STAG1: variants seen among roughly 807,000 people sequenced by gnomAD.
STAG1 encodes the protein STAG1 cohesin complex component.
A neutral mutation model predicts 170.9 loss-of-function variants in STAG1; 26 were observed. That is an observed-to-expected ratio of 0.15 (90% CI 0.11 to 0.21). The LOEUF (loss-of-function observed/expected upper bound fraction) is 0.21. STAG1 is among the 10% of genes least tolerant of loss of function. STAG1 has a pLI of 1.00. For synonymous variants in STAG1, 514 were observed against 497.7 expected, an observed-to-expected ratio of 1.03 and a Z score of -0.44; for missense variants, 964 against 1,509.5, an observed-to-expected ratio of 0.64 and a Z score of 5.99.
rs781780190 is a variant in STAG1, at chr3:136,421,076, TAAATA to T, written c.2108+12_2108+16del. The stretch of plus-strand genomic sequence containing the variant: ...ATGAGCCACCTCGTTGCCTTTACTT[TAAATA>T]AAATAACGTACTTGTGAAAAGAAGT... On this transcript the variant is annotated intron_variant, in intron 20 of 33. Coordinates refer to ENST00000383202, the MANE Select transcript of STAG1 (RefSeq NM_005862.3). 4 of 1,560,698 alleles carry T rather than the reference TAAATA, an allele frequency of 2.6e-6. No individual in the cohort carries two copies. Among genetic ancestry groups the T allele is most frequent in the Non-Finnish European group, 3.5e-6 (4 of 1,140,258 alleles).
At chr3:136,475,951 G>C (rs1020124318) in intron 10 of STAG1, among the ~76,000 whole-genome samples, 2 of 152,136 alleles carry the variant, frequency 1.3e-5, no homozygotes, top group Non-Finnish European at 2.9e-5. Flanking sequence ...TTGTAAGTGT[G>C]ACAGAATTTA....
intron 9 of STAG1, among the ~76,000 whole-genome samples, chr3:136,478,228 G>A (rs1023720873): frequency 1.3e-5 from 2 of 152,110 alleles, no homozygotes; most frequent in Non-Finnish European, 2.9e-5. Flanking sequence ...AGTGACAATG[G>A]TAACCATCTT....
chr3:136,477,576 A>G (rs1227120916), intron 9 of STAG1, among the ~76,000 whole-genome samples, 164 bp from the exon 10 acceptor site: 1 of 152,138 alleles, frequency 6.6e-6, no homozygotes, highest in African/African-American at 2.4e-5. Context: ...TTTCTATAAA[A>G]TAAACACTAA....
intron 5 of STAG1, among the ~76,000 whole-genome samples, chr3:136,558,040 C>A (rs192135595): frequency 1.5e-4 from 23 of 152,232 alleles, no homozygotes; most frequent in Admixed American, 1.5e-3. Context: ...AAGCAGGCTG[C>A]AAGATGGAAG....
chr3:136,491,679 C>T (rs952244837), intron 9 of STAG1, among the ~76,000 whole-genome samples: 8 of 152,136 alleles, frequency 5.3e-5, no homozygotes, highest in African/African-American at 1.7e-4. Context: ...TTACTTAGAT[C>T]TAGCAGCATA....
chr3:136,714,868 C>T (rs1943476591), intron 1 of STAG1, among the ~76,000 whole-genome samples: 1 of 139,358 alleles, frequency 7.2e-6, no homozygotes, highest in Non-Finnish European at 1.5e-5. Context: ...ATGATTATGC[C>T]ACTGCACTCC....
At chr3:136,717,111 G>C (rs1943562891) in intron 1 of STAG1, among the ~76,000 whole-genome samples, 2 of 152,162 alleles carry the variant, frequency 1.3e-5, no homozygotes, top group African/African-American at 4.8e-5. Context: ...CTTTGTAAAT[G>C]CATACTGCAT....
chr3:136,644,694 T>C (rs1940933759), intron 1 of STAG1, among the ~76,000 whole-genome samples: 1 of 152,110 alleles, frequency 6.6e-6, no homozygotes, highest in Non-Finnish European at 1.5e-5. Flanking sequence ...ACATGCAGTA[T>C]TTCTGTCATT....
chr3:136,747,798 C>T (rs1452230642), intron 1 of STAG1, among the ~76,000 whole-genome samples: 3 of 144,876 alleles, frequency 2.1e-5, no homozygotes, highest in Non-Finnish European at 3.0e-5. Context: ...TTTTTTGAGA[C>T]GGAGTCTCAC....
intron 1 of STAG1, among the ~76,000 whole-genome samples, chr3:136,705,096 C>A (rs1943189886): frequency 6.6e-6 from 1 of 151,946 alleles, no homozygotes; most frequent in Non-Finnish European, 1.5e-5. Flanking sequence ...AAAAACCTGG[C>A]CAGGCGCAGT....
intron 6 of STAG1, among the ~76,000 whole-genome samples, chr3:136,523,925 G>C (rs1934843798): frequency 6.6e-6 from 1 of 151,624 alleles, no homozygotes. Flanking sequence ...TATTATTTCT[G>C]AGGGCTCTGC....
chr3:136,747,551 T>C (rs1003709285), intron 1 of STAG1, among the ~76,000 whole-genome samples: 1 of 151,918 alleles, frequency 6.6e-6, no homozygotes, highest in African/African-American at 2.4e-5. Context: ...TAGCCGGGCG[T>C]AGTGGCATGC....
chr3:136,430,099 A>C (rs995495825), intron 16 of STAG1: 3 of 152,146 alleles, frequency 2.0e-5, no homozygotes, highest in African/African-American at 7.2e-5. Context: ...TATTTCATAA[A>C]TTTGCATGTC....
At chr3:136,359,723 G>T (rs1474873938) in intron 26 of STAG1, among the ~76,000 whole-genome samples, 1 of 152,064 alleles carries the variant, frequency 6.6e-6, no homozygotes, top group Non-Finnish European at 1.5e-5. Flanking sequence ...TGGCCAAGCT[G>T]GTCTCAAACT....
chr3:136,746,242 T>C (rs1379351799), intron 1 of STAG1, among the ~76,000 whole-genome samples: 3 of 152,212 alleles, frequency 2.0e-5, no homozygotes, highest in African/African-American at 7.2e-5. Context: ...GATTTATATT[T>C]TTATTCAGTC....
chr3:136,405,680 C>A (rs2087460380), intron 21 of STAG1, among the ~76,000 whole-genome samples: 1 of 149,410 alleles, frequency 6.7e-6, no homozygotes, highest in African/African-American at 2.5e-5. Context: ...ATGTGGTGAA[C>A]CCCGTTTCTA....
intron 1 of STAG1, among the ~76,000 whole-genome samples, chr3:136,676,417 TAAAAC>T (rs1942130397): frequency 6.6e-6 from 1 of 152,222 alleles, no homozygotes; most frequent in Non-Finnish European, 1.5e-5. Context: ...ACACTCAGCT[TAAAAC>T]AAACACATTG....
At chr3:136,472,092 C>T (rs536785676) in intron 12 of STAG1, among the ~76,000 whole-genome samples, 104 of 152,276 alleles carry the variant, frequency 6.8e-4, no homozygotes, top group African/African-American at 2.3e-3. Context: ...CCGCCTTGGC[C>T]TTCCAAAATG....
chr3:136,548,020 G>A (rs1416586769), intron 5 of STAG1, among the ~76,000 whole-genome samples: 2 of 152,006 alleles, frequency 1.3e-5, no homozygotes, highest in Admixed American at 6.6e-5. Flanking sequence ...CTTGTCAAAG[G>A]TAAGTTGTCC....
Sources: gnomAD v4.1 joint callset for allele counts (sites outside exome capture counted in the v4.1 genomes callset) on GRCh38, gnomAD v4.1.1 for gene constraint, MANE v1.5 for transcripts, NCBI Gene and HGNC (gene_info 2026-07-23, HGNC 2026-07-21) for gene names.